Variants in TMEM62 observed in about 807,000 individuals in gnomAD.
TMEM62 encodes the protein transmembrane protein 62.
In TMEM62, 41 loss-of-function variants were observed where a neutral mutation model predicts 70.4. The observed-to-expected ratio is 0.58, with a 90% CI of 0.45 to 0.76. The LOEUF (loss-of-function observed/expected upper bound fraction) is 0.76. Among genes scored for constraint, TMEM62 ranks in the 30% least tolerant of loss-of-function variants. The pLI is 0.00. For synonymous variants in TMEM62, 268 were observed against 291.0 expected (o/e 0.92, Z 0.80); for missense variants, 688 against 788.5 (o/e 0.87, Z 1.53).
chr15:43,143,606 G>C (rs2036324294), intron 4 of TMEM62, among the ~76,000 whole-genome samples: 1 of 152,162 alleles, frequency 6.6e-6, no homozygotes, highest in South Asian at 2.1e-4. Context: ...GAGGTCACTG[G>C]GTTTTCAGAA....
At chr15:43,160,892 C>A in intron 10 of TMEM62, 98 bp downstream of exon 10, 1 of 581,504 alleles carries the variant, frequency 1.7e-6, no homozygotes, top group Non-Finnish European at 2.8e-6. Context: ...TCCATGGTTT[C>A]AGTTACCGAA....
intron 10 of TMEM62, among the ~76,000 whole-genome samples, chr15:43,162,963 A>AT (rs145003431): frequency 4.7e-5 from 7 of 149,912 alleles, no homozygotes; most frequent in African/African-American, 9.8e-5. Flanking sequence ...TATAACCATC[A>AT]TTTTTTTTTC....
intron 10 of TMEM62, among the ~76,000 whole-genome samples, chr15:43,165,341 G>A (rs2039269206): frequency 6.6e-6 from 1 of 151,552 alleles, no homozygotes; most frequent in Admixed American, 6.6e-5. Flanking sequence ...TTCTGCCCTT[G>A]AGAAATTCTG....
At chr15:43,168,089 G>T (rs932491877) in intron 10 of TMEM62, among the ~76,000 whole-genome samples, 2 of 150,806 alleles carry the variant, frequency 1.3e-5, no homozygotes, top group Admixed American at 1.3e-4. Flanking sequence ...GTCCAGCTTC[G>T]GCTCGGCATC....
At chr15:43,142,458 C>A (rs867858820) in intron 4 of TMEM62, among the ~76,000 whole-genome samples, 1 of 151,624 alleles carries the variant, frequency 6.6e-6, no homozygotes, top group Non-Finnish European at 1.5e-5. Context: ...CCACCGCGCC[C>A]GGCCAAGAAA....
intron 10 of TMEM62, among the ~76,000 whole-genome samples, chr15:43,162,182 G>C (rs1259947653): frequency 6.6e-6 from 1 of 151,714 alleles, no homozygotes; most frequent in Admixed American, 6.6e-5. Context: ...CTGTCACCCA[G>C]GCTGGAGTAC....
chr15:43,142,394 A>G (rs1193246774), intron 4 of TMEM62, among the ~76,000 whole-genome samples: 1 of 151,868 alleles, frequency 6.6e-6, no homozygotes, highest in Non-Finnish European at 1.5e-5. Context: ...TGAACTCCTG[A>G]CCTCGTGATC....
intron 11 of TMEM62, among the ~76,000 whole-genome samples, chr15:43,172,340 A>G (rs2040279294): frequency 6.6e-6 from 1 of 152,220 alleles, no homozygotes. Context: ...ACTTATGAAA[A>G]CTAAGATATT....
At chr15:43,176,059 A>G (rs1181658748) in intron 11 of TMEM62, among the ~76,000 whole-genome samples, 1 of 152,188 alleles carries the variant, frequency 6.6e-6, no homozygotes. Context: ...AGGGTCCTAC[A>G]CCCACGGAGT....
intron 3 of TMEM62, among the ~76,000 whole-genome samples, chr15:43,138,126 G>C (rs1312664267): frequency 6.6e-6 from 1 of 152,132 alleles, no homozygotes; most frequent in South Asian, 2.1e-4. Context: ...AGATTCCAGG[G>C]TTTTAGCCAG....
chr15:43,148,612 A>G lies in TMEM62; in HGVS notation c.619-143A>G, dbSNP rs930164788. On this transcript the variant is annotated intron_variant, in intron 5 of 13. Coordinates refer to ENST00000260403, the MANE Select transcript of TMEM62 (RefSeq NM_024956.4). ...AACAATTTGAAACTTACAGAGGTCC[A>G]TAGAGGTCATTAACTAGTAAGGTTT... The G allele has an allele frequency of 4.8e-5, 42 of 880,288 alleles. No homozygotes were observed. The Admixed American group carries it at 1.2e-3, about 25-fold the overall frequency. The allele number at this position is 880,288 out of a possible 1,614,324, so 54.5% of individuals were successfully genotyped here.
Position 43,165,834 on chromosome 15 carries a change from T to C in TMEM62, c.1297-3759T>C, listed in dbSNP as rs1030867854. 2.0e-5 allele frequency among the ~76,000 whole-genome samples: 3 copies of C among 152,196 alleles called. 1 individual carries two copies. The highest frequency in any genetic ancestry group is 1.5e-5 in the Non-Finnish European group (1 of 68,036). On this transcript the variant is annotated intron_variant, in intron 10 of 13. Transcript: ENST00000260403. ...TTCCTTTTCTGTGTTTTCAAGAAGTTCATTGAGCTTCCTCAAAACAGCTAT... is the reference window on the plus strand; with the variant it reads ...TTCCTTTTCTGTGTTTTCAAGAAGTCCATTGAGCTTCCTCAAAACAGCTAT...
chr15:43,157,135 T>C (rs1358482927), intron 9 of TMEM62, among the ~76,000 whole-genome samples: 1 of 152,170 alleles, frequency 6.6e-6, no homozygotes, highest in Non-Finnish European at 1.5e-5. Flanking sequence ...TTATTGAATA[T>C]CTATAGGTTC....
At chr15:43,145,623 C>A (rs980892656) in intron 4 of TMEM62, among the ~76,000 whole-genome samples, 1 of 152,096 alleles carries the variant, frequency 6.6e-6, no homozygotes, top group African/African-American at 2.4e-5. Context: ...TATATTTACT[C>A]GGGTTACATT....
chr15:43,137,435 TTAAGA>T (rs2035382749), intron 3 of TMEM62, among the ~76,000 whole-genome samples: 1 of 152,268 alleles, frequency 6.6e-6, no homozygotes, highest in African/African-American at 2.4e-5. Context: ...CTGAATTTTG[TTAAGA>T]TATCAAAATT....
chr15:43,177,937 T>C (rs929703910), intron 11 of TMEM62, among the ~76,000 whole-genome samples: 13 of 151,720 alleles, frequency 8.6e-5, no homozygotes, highest in African/African-American at 2.9e-4. Context: ...GCATGGCACA[T>C]GTATACATAT....
At chr15:43,150,746 A>G (rs1013043497) in intron 7 of TMEM62, among the ~76,000 whole-genome samples, 9 of 152,176 alleles carry the variant, frequency 5.9e-5, no homozygotes, top group South Asian at 2.1e-4. Context: ...GAAGAGAGCA[A>G]GGAGAACTCA....
intron 9 of TMEM62, among the ~76,000 whole-genome samples, chr15:43,156,647 T>A (rs1308214452): frequency 6.6e-6 from 1 of 152,194 alleles, no homozygotes; most frequent in East Asian, 1.9e-4. Context: ...CCATAGCTTA[T>A]ATTCCTTGAA....
intron 9 of TMEM62, among the ~76,000 whole-genome samples, chr15:43,156,287 A>G (rs1442448161): frequency 6.6e-6 from 1 of 152,214 alleles, no homozygotes; most frequent in Non-Finnish European, 1.5e-5. Context: ...TCCACAAAAC[A>G]ATCCTTTGTT....
Sources: allele counts gnomAD v4.1 joint callset (sites outside exome capture counted in the v4.1 genomes callset), GRCh38; gene constraint gnomAD v4.1.1; transcripts MANE v1.5; gene names NCBI Gene and HGNC (gene_info 2026-07-23, HGNC 2026-07-21).